The following NPC1 variants were observed in gnomAD, a reference collection of about 807,000 sequenced individuals.
NPC1 encodes the protein Niemann-Pick C1 protein.
A neutral mutation model predicts 140.4 loss-of-function variants in NPC1; 85 were observed. The observed-to-expected ratio is 0.61, with a 90% CI of 0.51 to 0.72. The LOEUF (loss-of-function observed/expected upper bound fraction) is 0.72, where lower values mean the gene tolerates loss of function less well. NPC1 is among the 30% of genes least tolerant of loss of function. The probability of loss-of-function intolerance (pLI) is 0.00; values close to 1 mark genes in which losing one functional copy is unlikely to be tolerated. For synonymous variants in NPC1, 656 were observed against 624.8 expected (o/e 1.05, Z -0.74); for missense variants, 1,504 against 1,623.8 (o/e 0.93, Z 1.27).
chr18:23,530,459 T>C (rs779048985), downstream of NPC1: 12 of 1,614,144 alleles, frequency 7.4e-6, no homozygotes, highest in Non-Finnish European at 1.0e-5. Flanking sequence ...TGCCTTAAGG[T>C]TTATCCGGGG....
At chr18:23,585,298 G>A (rs185212472) in intron 1 of NPC1, among the ~76,000 whole-genome samples, 155 of 152,288 alleles carry the variant, frequency 1.0e-3, no homozygotes, top group Non-Finnish European at 2.8e-4. Context: ...GGCTGGTCTT[G>A]AACTGCTGAG....
At chr18:23,540,049 T>C in intron 17 of NPC1, 48 bp from the exon 18 acceptor site, 1 of 1,508,608 alleles carries the variant, frequency 6.6e-7, no homozygotes, top group Non-Finnish European at 9.2e-7. Flanking sequence ...ACTCTGATAG[T>C]AACTAAGCAA....
At chr18:23,540,096 T>C in intron 17 of NPC1, 95 bp from the exon 18 acceptor site, 1 of 1,109,876 alleles carries the variant, frequency 9.0e-7, no homozygotes, top group Non-Finnish European at 1.3e-6. Flanking sequence ...TGCCAGGAGG[T>C]TCCTGGCTGA....
chr18:23,507,687 T>A (rs1352246141), intron 3 of NPC1, among the ~76,000 whole-genome samples: 1 of 152,178 alleles, frequency 6.6e-6, no homozygotes, highest in Non-Finnish European at 1.5e-5. Context: ...AGCCTCTTAG[T>A]GCAGCAACAC....
chr18:23,526,605 T>A (rs771487547), downstream of NPC1: 13 of 1,610,788 alleles, frequency 8.1e-6, 1 homozygote, highest in South Asian at 1.1e-4. Flanking sequence ...GTTTGCATCA[T>A]ACTGTTTTAT....
downstream of NPC1, among the ~76,000 whole-genome samples, chr18:23,531,002 A>G: frequency 6.7e-6 from 1 of 148,874 alleles, no homozygotes; most frequent in Non-Finnish European, 1.5e-5. Flanking sequence ...GATCATTCTC[A>G]TTTTTTTTTT....
At chr18:23,573,414 G>A (rs374140883) in intron 2 of NPC1, 38 bp downstream of exon 2, 41 of 1,613,372 alleles carry the variant, frequency 2.5e-5, no homozygotes, top group Non-Finnish European at 3.3e-5. Context: ...CTTGTGATCA[G>A]CATTTTGTGT....
intron 3 of NPC1, chr18:23,515,871 C>T (rs2057989021): frequency 6.2e-7 from 1 of 1,614,090 alleles, no homozygotes; most frequent in Non-Finnish European, 8.5e-7. Flanking sequence ...ACCAGAGAAA[C>T]GGAGTCTGAA....
At chr18:23,560,044 T>C (rs1477241127) in intron 6 of NPC1, among the ~76,000 whole-genome samples, 187 bp downstream of exon 6, 2 of 152,190 alleles carry the variant, frequency 1.3e-5, no homozygotes, top group East Asian at 3.8e-4. Context: ...ATTTCAGATG[T>C]TGCAGTGTTA....
rs1598967583 is a variant in NPC1 at position 23,551,429 on chromosome 18, G to C, written c.1654+198C>G. Reference sequence around the variant, plus strand: ...TCAAAGGCATGTGTGACCTAAAAATGGCTAACCCAATCCACTTCTTTTAAA... The same window carrying C: ...TCAAAGGCATGTGTGACCTAAAAATCGCTAACCCAATCCACTTCTTTTAAA... On this transcript the variant is annotated intron_variant, in intron 10 of 24. Transcript: ENST00000269228. The C allele has an allele frequency of 2.1e-5, 13 of 619,210 alleles. No individual in the cohort carries two copies. In the East Asian group the frequency reaches 3.7e-4, roughly 18 times the overall value. The allele number at this position is 619,210 out of a possible 1,614,324, so 38.4% of individuals were successfully genotyped here. A position where few individuals can be genotyped will look rare whatever the true frequency, so the allele number is the denominator to read the frequency against.
chr18:23,521,374 T>TA (rs1478894930), downstream of NPC1, among the ~76,000 whole-genome samples: 9 of 152,382 alleles, frequency 5.9e-5, no homozygotes, highest in East Asian at 1.7e-3. Flanking sequence ...CTTAGCTCTG[T>TA]AACGCTGAAA....
chr18:23,516,132 C>A lies in NPC1; in HGVS notation c.432-9490G>T. 4.3e-6 allele frequency: 6 copies of A among 1,390,784 alleles called. No homozygotes were observed. The South Asian group carries it at 7.6e-5, about 18-fold the overall frequency. The allele number at this position is 1,390,784 out of a possible 1,614,324, so 86.2% of individuals were successfully genotyped here. A position where few individuals can be genotyped will look rare whatever the true frequency, so the allele number is the denominator to read the frequency against. ...ACCGCTCTGACCACTAGAGGGCACT[C>A]TGTATACCCGTCAGCTCCTGGAGCC... On this transcript the variant is annotated intron_variant, in intron 3 of 3. Coordinates refer to the NPC1 transcript ENST00000591107.
intron 1 of NPC1, chr18:23,577,031 T>C (rs1251650719): frequency 6.6e-6 from 1 of 152,194 alleles, no homozygotes; most frequent in Admixed American, 6.6e-5. Context: ...AGTGGCCTGT[T>C]TTGTCAGGGT....
Position 23,554,907 on chromosome 18 carries a change from G to C in NPC1, c.1404C>G (p.Cys468Trp), listed in dbSNP as rs993623995. 3 of 1,613,986 alleles carry C rather than the reference G, an allele frequency of 1.9e-6. No homozygotes were observed. Among genetic ancestry groups the C allele is most frequent in the Non-Finnish European group, 2.5e-6 (3 of 1,179,948 alleles). The stretch of plus-strand genomic sequence containing the variant: ...TGTTATACGGTGAAAGAGGGGCCAA[G>C]CAGATGTCTTGAAGTGTCACAGTCT... Reference protein sequence around the residue: ...DNETVTLQDICLAPLSPYNTN... With the variant: ...DNETVTLQDIWLAPLSPYNTN... Residue 468 changes from cysteine to tryptophan, a missense_variant, in exon 9 of 25, where the codon TGC becomes TGG. Transcript: ENST00000269228.
At chr18:23,540,056 G>A (rs2145374683) in intron 17 of NPC1, 55 bp from the exon 18 acceptor site, 1 of 1,474,388 alleles carries the variant, frequency 6.8e-7, no homozygotes, top group Admixed American at 1.7e-5. Flanking sequence ...TAGTAACTAA[G>A]CAAGGCGAGG....
downstream of NPC1, among the ~76,000 whole-genome samples, chr18:23,521,890 C>G (rs551083217): frequency 1.1e-4 from 17 of 152,308 alleles, no homozygotes; most frequent in African/African-American, 3.9e-4. Flanking sequence ...TCTCTCCCGG[C>G]TCTCTTTTGA....
chr18:23,571,964 TAG>T (rs1351587087), intron 3 of NPC1, 108 bp downstream of exon 3: 1 of 525,742 alleles, frequency 1.9e-6, no homozygotes, highest in African/African-American at 1.9e-5. Flanking sequence ...ACATATAATA[TAG>T]ACATATAATA....
downstream of NPC1, chr18:23,530,290 T>C (rs748366615): frequency 1.2e-6 from 2 of 1,614,224 alleles, no homozygotes; most frequent in Non-Finnish European, 8.5e-7. Context: ...TCTCTGGACA[T>C]GCTGAAGGTA....
At chr18:23,580,056 A>T (rs1414443633) in intron 1 of NPC1, among the ~76,000 whole-genome samples, 1 of 152,144 alleles carries the variant, frequency 6.6e-6, no homozygotes, top group Admixed American at 6.5e-5. Flanking sequence ...AACATATTCA[A>T]ATACTTACTG....
Sources: gnomAD v4.1 joint callset for allele counts (sites outside exome capture counted in the v4.1 genomes callset) on GRCh38, gnomAD v4.1.1 for gene constraint, MANE v1.5 for transcripts, NCBI Gene and HGNC (gene_info 2026-07-23, HGNC 2026-07-21) for gene names.